FOXK1: variants seen among roughly 807,000 people sequenced by gnomAD.
The protein encoded by FOXK1 is forkhead box protein K1.
FOXK1 carries 19 observed loss-of-function variants against 51.9 expected under a neutral mutation model. The observed-to-expected ratio is 0.37, with a 90% CI of 0.26 to 0.54. The LOEUF is 0.54. Ranked by LOEUF, FOXK1 falls within the 20% of genes least tolerant of loss-of-function variation. The pLI is 0.87. For missense variants in FOXK1, 870 were observed against 1,032.7 expected (o/e 0.84, Z 2.16); for synonymous variants, 537 against 482.6 (o/e 1.11, Z -1.48).
Position 4,729,532 on chromosome 7 carries a change from GC to G in FOXK1, c.561-11302del, listed in dbSNP as rs1780423582. On this transcript the variant is annotated intron_variant, in intron 1 of 8. Transcript: ENST00000328914. This position sits in a 1 kb window ranked among gnomAD's most constrained non-coding sequence, Gnocchi z 6.2. Reference sequence around the variant, plus strand: ...GCCATGGGGTGCTCAGGACTGCCGGGCCCCGGGAGCCCCACCCGGCAGGACA... The same window carrying G: ...GCCATGGGGTGCTCAGGACTGCCGGGCCCGGGAGCCCCACCCGGCAGGACA... Among the ~76,000 whole-genome samples, 1 of 152,152 alleles carries G rather than the reference GC, an allele frequency of 6.6e-6. No homozygotes were observed. Among genetic ancestry groups the G allele is most frequent in the Non-Finnish European group, 1.5e-5 (1 of 68,010 alleles).
At position 4,761,433 on chromosome 7, in the gene FOXK1, G is replaced by A; in HGVS notation, c.1921+145G>A. On this transcript the variant is annotated intron_variant, in intron 8 of 8. Transcript: ENST00000328914. This position sits in a 1 kb window ranked among gnomAD's most constrained non-coding sequence, Gnocchi z 6.2. ...GCACCTGCTATACTCCAGGCACTGG[G>A]GTAATGCAAAGAAAAAGAGGGTGGA... 9 of 895,870 alleles carry A rather than the reference G, an allele frequency of 1.0e-5. No individual in the cohort carries two copies. The highest frequency in any genetic ancestry group is 1.3e-5 in the Non-Finnish European group (8 of 592,656). The allele number at this position is 895,870 out of a possible 1,614,324, so 55.5% of individuals were successfully genotyped here. A position where few individuals can be genotyped will look rare whatever the true frequency, so the allele number is the denominator to read the frequency against.
intron 1 of FOXK1, among the ~76,000 whole-genome samples, chr7:4,719,250 T>G (rs1313377658): frequency 6.6e-6 from 1 of 151,950 alleles, no homozygotes; most frequent in Non-Finnish European, 1.5e-5. Context: ...TCCTCCTGAC[T>G]CAGCCTCCCG....
rs920346352 is a variant in FOXK1 at position 4,756,553 on chromosome 7, A to C, written c.1051-441A>C. ...GTAATCCCAGCACTTTGGGAGGCCG[A>C]GGTGGAAGGATTGGTTAAGCCCAAG... On this transcript the variant is annotated intron_variant, in intron 4 of 8. Coordinates refer to ENST00000328914, the MANE Select transcript of FOXK1 (RefSeq NM_001037165.2). This position sits in a 1 kb window ranked among gnomAD's most constrained non-coding sequence, Gnocchi z 4.1. 6.6e-6 allele frequency among the ~76,000 whole-genome samples: 1 copy of C among 151,844 alleles called. No homozygotes were observed. The highest frequency in any genetic ancestry group is 1.5e-5 in the Non-Finnish European group (1 of 67,950).
chr7:4,762,561 A>G lies in FOXK1; in HGVS notation c.*97A>G, dbSNP rs919439882. 1.8e-5 allele frequency: 23 copies of G among 1,299,828 alleles called. No individual in the cohort carries two copies. The highest frequency in any genetic ancestry group is 1.3e-4 in the Admixed American group (5 of 38,264). 80.5% of individuals were successfully genotyped at this position (1,299,828 alleles called of 1,614,324 possible). A position where few individuals can be genotyped will look rare whatever the true frequency, so the allele number is the denominator to read the frequency against. ...GCCGCACCCACAGACGGAGGAGAAC[A>G]GCCCGCGGCGGCCTGTGGGCATCGG... On this transcript the variant is annotated 3_prime_UTR_variant, in exon 9 of 9. Transcript: ENST00000328914. This position sits in a 1 kb window ranked among gnomAD's most constrained non-coding sequence, Gnocchi z 5.7.
At chr7:4,704,167 C>G (rs1562372130) in intron 1 of FOXK1, among the ~76,000 whole-genome samples, 1 of 152,058 alleles carries the variant, frequency 6.6e-6, no homozygotes, top group African/African-American at 2.4e-5. Flanking sequence ...AGAAACATCC[C>G]TGGCCGGGCG....
chr7:4,732,608 G>A (rs574653366), intron 1 of FOXK1, among the ~76,000 whole-genome samples: 7 of 152,144 alleles, frequency 4.6e-5, no homozygotes, highest in Non-Finnish European at 8.8e-5. Context: ...ATGAGCCACC[G>A]CGCCAGCCAA....
In FOXK1 at chr7:4,768,650, C is replaced by G. The variant is rs1781052105; in HGVS notation, c.*6186C>G. The G allele has an allele frequency of 6.6e-6, 1 of 152,478 alleles. No individual in the cohort carries two copies. Among genetic ancestry groups the G allele is most frequent in the Non-Finnish European group, 1.5e-5 (1 of 68,254 alleles). The allele number at this position is 152,478 out of a possible 1,614,324, so 9.4% of individuals were successfully genotyped here. ...GGCTAGGCCTGCCATGCACCATGAG[C>G]AGGGGTGCTACCTGGGTGTGTGAAG... is the stretch of plus-strand genomic sequence containing the variant. On this transcript the variant is annotated 3_prime_UTR_variant, in exon 9 of 9. Coordinates refer to ENST00000328914, the MANE Select transcript of FOXK1 (RefSeq NM_001037165.2).
intron 1 of FOXK1, among the ~76,000 whole-genome samples, chr7:4,724,034 T>A (rs1780347517): frequency 6.6e-6 from 1 of 152,088 alleles, no homozygotes; most frequent in Admixed American, 6.6e-5. Flanking sequence ...CGAGGGCTTT[T>A]GGTACTTTGG....
intron 1 of FOXK1, among the ~76,000 whole-genome samples, chr7:4,693,443 A>G (rs1880120): frequency 0.12 from 17,973 of 152,306 alleles, 1,256 homozygotes; most frequent in East Asian, 0.28. Flanking sequence ...TAATTTAGTC[A>G]TTGGCCTTAT....
chr7:4,691,562 T>C (rs1170049185), intron 1 of FOXK1, among the ~76,000 whole-genome samples: 5 of 152,046 alleles, frequency 3.3e-5, no homozygotes, highest in East Asian at 1.9e-4. Context: ...TCTTGAACTC[T>C]TGACCTCAAA....
In FOXK1 at chr7:4,755,492, G is replaced by A. The variant is rs1019983381; in HGVS notation, c.1050+109G>A. The A allele has an allele frequency of 1.0e-5, 15 of 1,436,016 alleles. No individual in the cohort carries two copies. The highest frequency in any genetic ancestry group is 2.8e-5 in the African/African-American group (2 of 70,840). 89.0% of individuals were successfully genotyped at this position (1,436,016 alleles called of 1,614,324 possible). On this transcript the variant is annotated intron_variant, in intron 4 of 8. Coordinates refer to ENST00000328914, the MANE Select transcript of FOXK1 (RefSeq NM_001037165.2). This position sits in a 1 kb window ranked among gnomAD's most constrained non-coding sequence, Gnocchi z 6.6. The stretch of plus-strand genomic sequence containing the variant: ...GAAGAGGGCCAGTGAGGGGGCTCAC[G>A]CCTGGAACCCTAGCATTTTGTGAGG...
chr7:4,694,892 C>G (rs867931456), intron 1 of FOXK1, among the ~76,000 whole-genome samples: 1 of 152,246 alleles, frequency 6.6e-6, no homozygotes, highest in Non-Finnish European at 1.5e-5. Context: ...GAAATACACC[C>G]TCCCATCCTG....
chr7:4,706,390 C>T (rs753783855), intron 1 of FOXK1, among the ~76,000 whole-genome samples: 35 of 152,302 alleles, frequency 2.3e-4, no homozygotes, highest in Non-Finnish European at 4.3e-4. Flanking sequence ...CTGTGACACT[C>T]CTTCCCTCCA....
intron 1 of FOXK1, among the ~76,000 whole-genome samples, chr7:4,739,517 G>C (rs894810719): frequency 2.0e-5 from 3 of 152,226 alleles, no homozygotes; most frequent in Admixed American, 1.3e-4. Flanking sequence ...GTAATGCTCA[G>C]CTTTGTAAAA....
chr7:4,717,323 G>A, intron 1 of FOXK1, among the ~76,000 whole-genome samples: 1 of 145,782 alleles, frequency 6.9e-6, no homozygotes, highest in Non-Finnish European at 1.5e-5. Context: ...GGCGGGAGGT[G>A]CGTGACTGGG....
rs1288174473 is a variant in FOXK1 at position 4,683,319 on chromosome 7, T to G, written c.560+451T>G. 6.6e-6 allele frequency among the ~76,000 whole-genome samples: 1 copy of G among 151,898 alleles called. No individual in the cohort carries two copies. Among genetic ancestry groups the G allele is most frequent in the African/African-American group, 2.4e-5 (1 of 41,344 alleles). ...TGCTGCTCCCCAGCTCCCATCGGCC[T>G]GGACTCCGGGGTCATTCTGAACTCC... On this transcript the variant is annotated intron_variant, in intron 1 of 8. Transcript: ENST00000328914. The surrounding 1 kb of genome is among the most constrained non-coding windows in gnomAD (Gnocchi z 4.5).
chr7:4,733,392 T>TGTTGCTC lies in FOXK1; in HGVS notation c.561-7445_561-7439dup, dbSNP rs1780507493. On this transcript the variant is annotated intron_variant, in intron 1 of 8. Coordinates refer to ENST00000328914, the MANE Select transcript of FOXK1 (RefSeq NM_001037165.2). The surrounding 1 kb of genome is among the most constrained non-coding windows in gnomAD (Gnocchi z 5.0). ...ACCAGACTTTTTCTATTACGTTGCT[T>TGTTGCTC]GTTGCTCCGTTATGCAGTGTGCCTT... Among the ~76,000 whole-genome samples, 2 of 152,280 alleles carry TGTTGCTC rather than the reference T, an allele frequency of 1.3e-5. No individual in the cohort carries two copies. Among genetic ancestry groups the TGTTGCTC allele is most frequent in the East Asian group, 1.9e-4 (1 of 5,178 alleles).
chr7:4,754,240 C>T lies in FOXK1; in HGVS notation c.747-219C>T, dbSNP rs139559718. Among the ~76,000 whole-genome samples, 148 of 152,354 alleles carry T rather than the reference C, an allele frequency of 9.7e-4. 1 individual carries two copies. The East Asian group carries it at 0.023, about 23-fold the overall frequency. ...GAGGGCCCGCGGTGCTCTCAGCCCC[C>T]GAGCAGAAGTCACCACTGGAAGGAA... On this transcript the variant is annotated intron_variant, in intron 2 of 8. Transcript: ENST00000328914.
chr7:4,721,589 C>CTTTTTTTTTTTT (rs200132324), intron 1 of FOXK1, among the ~76,000 whole-genome samples: 7 of 112,654 alleles, frequency 6.2e-5, no homozygotes, highest in Middle Eastern at 4.7e-3. Context: ...TCTTTTTTTT[C>CTTTTTTTTTTTT]TTTTTTTTTT....
Sources: allele counts gnomAD v4.1 joint callset (sites outside exome capture counted in the v4.1 genomes callset), GRCh38; gene constraint gnomAD v4.1.1; non-coding constraint Gnocchi (gnomAD v3.1); transcripts MANE v1.5; gene names NCBI Gene and HGNC (gene_info 2026-07-23, HGNC 2026-07-21).